Variants in DNAH14 observed in about 807,000 individuals in gnomAD.
DNAH14 encodes the protein dynein axonemal heavy chain 14.
A neutral mutation model predicts 520.9 loss-of-function variants in DNAH14; 478 were observed. That is an observed-to-expected ratio of 0.92 (90% CI 0.85 to 0.99). The LOEUF is 0.99. DNAH14 is among the 50% of genes least tolerant of loss of function. The pLI is 0.00. For missense variants in DNAH14, 4,831 were observed against 5,234.5 expected (o/e 0.92, Z 2.38); for synonymous variants, 1,581 against 1,757.2 (o/e 0.90, Z 2.51).
rs1553343142 is a variant in DNAH14 at position 224,967,422 on chromosome 1, T to TG, written c.499-9_499-8insG. The TG allele has an allele frequency of 6.6e-7, 1 of 1,515,498 alleles. No individual in the cohort carries two copies. The highest frequency in any genetic ancestry group is 1.4e-5 in the African/African-American group (1 of 70,154). The allele number at this position is 1,515,498 out of a possible 1,614,324, so 93.9% of individuals were successfully genotyped here. On this transcript the variant is annotated splice_polypyrimidine_tract_variant and intron_variant, in intron 5 of 85. Transcript: ENST00000682510. ...TTAAATTTGTTTATTATTTTTTTTTTAATCTCAGAAACCTTTGGAAGATGA... is the reference window on the plus strand; with the variant it reads ...TTAAATTTGTTTATTATTTTTTTTTTGAATCTCAGAAACCTTTGGAAGATGA...
At position 225,232,880 on chromosome 1, in the gene DNAH14, T is replaced by C. The variant is rs1235381344; in HGVS notation, c.6518+1729T>C. 6.6e-6 allele frequency among the ~76,000 whole-genome samples: 1 copy of C among 152,190 alleles called. No homozygotes were observed. The highest frequency in any genetic ancestry group is 1.5e-5 in the Non-Finnish European group (1 of 68,052). On this transcript the variant is annotated intron_variant, in intron 42 of 85. Coordinates refer to ENST00000682510, the MANE Select transcript of DNAH14 (RefSeq NM_001367479.1). This position sits in a 1 kb window ranked among gnomAD's most constrained non-coding sequence, Gnocchi z 4.2. ...TAGGTAAATGTGTGCCATGGTGGTT[T>C]GCTGCACAGATCATGCCATCACCTA...
At position 225,023,770 on chromosome 1, in the gene DNAH14, A is replaced by G; in HGVS notation, c.1263A>G (p.Gln421=). 1.3e-6 allele frequency: 2 copies of G among 1,550,896 alleles called. No homozygotes were observed. Among genetic ancestry groups the G allele is most frequent in the Non-Finnish European group, 8.7e-7 (1 of 1,146,538 alleles). The change falls in exon 11 of 86, where the codon CAA becomes CAG. Residue 421 remains glutamine (Q), a synonymous_variant. Transcript: ENST00000682510. The part of the protein sequence containing the change: ...VDYIFQELIR[Q]LMNTAVTLLL... ...ACATATTTCAGGAACTCATTCGTCA[A>G]CTTATGAACACTGCAGTCACACTAC... is the stretch of plus-strand genomic sequence containing the variant.
At chr1:225,334,880 A>ATGTGTG (rs71574528) in intron 66 of DNAH14, among the ~76,000 whole-genome samples, 81 of 122,382 alleles carry the variant, frequency 6.6e-4, no homozygotes, top group East Asian at 7.1e-4. Flanking sequence ...CTCTCTACAT[A>ATGTGTG]TATATGTGTG....
At position 225,353,802 on chromosome 1, in the gene DNAH14, G is replaced by A. The variant is rs1193328352; in HGVS notation, c.11534-1G>A. The A allele has an allele frequency of 6.9e-7, 1 of 1,453,358 alleles. No individual in the cohort carries two copies. The highest frequency in any genetic ancestry group is 1.3e-5 in the South Asian group (1 of 78,318). The allele number at this position is 1,453,358 out of a possible 1,614,324, so 90.0% of individuals were successfully genotyped here. Reference sequence around the variant, plus strand: ...AGTTTCTTTCTCTAAATTATATCTAGCTGAACTTTTGAATGAAAATAAAGA... The same window carrying A: ...AGTTTCTTTCTCTAAATTATATCTAACTGAACTTTTGAATGAAAATAAAGA... On this transcript the variant is annotated splice_acceptor_variant, in intron 72 of 85. Coordinates refer to ENST00000682510, the MANE Select transcript of DNAH14 (RefSeq NM_001367479.1). LOFTEE classifies it high-confidence loss of function.
chr1:225,014,480 G>T (rs570009629), intron 10 of DNAH14, among the ~76,000 whole-genome samples: 1 of 151,506 alleles, frequency 6.6e-6, no homozygotes, highest in African/African-American at 2.4e-5. Flanking sequence ...TGCTTTTGCC[G>T]TGTCCTATAG....
chr1:225,322,085 CTTTTTTTTTTTT>C (rs3047035), intron 61 of DNAH14, among the ~76,000 whole-genome samples: 5 of 90,170 alleles, frequency 5.5e-5, no homozygotes, highest in African/African-American at 1.7e-4. Context: ...TTTTTTCTTT[CTTTTTTTTTTTT>C]TTTTTTTTTT....
chr1:225,006,693 C>A (rs914728946), intron 9 of DNAH14, among the ~76,000 whole-genome samples: 1 of 152,194 alleles, frequency 6.6e-6, no homozygotes, highest in South Asian at 2.1e-4. Flanking sequence ...GATGACAATG[C>A]ATGCCCAGTG....
At chr1:225,142,745 T>G (rs1449711613) in intron 28 of DNAH14, among the ~76,000 whole-genome samples, 1 of 152,084 alleles carries the variant, frequency 6.6e-6, no homozygotes. Flanking sequence ...CTGGCCAACA[T>G]GGTGAAAACC....
intron 52 of DNAH14, among the ~76,000 whole-genome samples, chr1:225,274,196 T>TTTTTTTTTG (rs2093397280): frequency 7.7e-6 from 1 of 130,608 alleles, no homozygotes; most frequent in African/African-American, 3.3e-5. Context: ...CAGCATCTGT[T>TTTTTTTTTG]ATTTTTTTTT....
chr1:225,047,274 C>CT (rs777988447), intron 15 of DNAH14, among the ~76,000 whole-genome samples: 70 of 152,100 alleles, frequency 4.6e-4, no homozygotes, highest in Non-Finnish European at 7.2e-4. Flanking sequence ...TTATATCTAA[C>CT]TTTTTTCTCT....
At chr1:225,072,835 A>T (rs1313376360) in intron 17 of DNAH14, among the ~76,000 whole-genome samples, 3 of 152,108 alleles carry the variant, frequency 2.0e-5, no homozygotes, top group Non-Finnish European at 4.4e-5. Flanking sequence ...TCGTCAGTGA[A>T]GTCTGTGAAG....
At chr1:225,148,436 C>T (rs1441180536) in intron 31 of DNAH14, among the ~76,000 whole-genome samples, 1 of 122,424 alleles carries the variant, frequency 8.2e-6, no homozygotes, top group African/African-American at 3.2e-5. Context: ...GAGTCTCACT[C>T]TGTTGCCCAG....
intron 12 of DNAH14, among the ~76,000 whole-genome samples, chr1:225,040,425 T>C (rs2067373915): frequency 6.6e-6 from 1 of 152,352 alleles, no homozygotes; most frequent in South Asian, 2.1e-4. Flanking sequence ...CTTTCGTATA[T>C]GTATATTTCT....
At position 225,300,165 on chromosome 1, in the gene DNAH14, G is replaced by C. The variant is rs577828183; in HGVS notation, c.8470-704G>C. Among the ~76,000 whole-genome samples, 144 of 152,144 alleles carry C rather than the reference G, an allele frequency of 9.5e-4. 1 individual carries two copies. Among genetic ancestry groups the C allele is most frequent in the African/African-American group, 3.4e-3 (140 of 41,494 alleles). On this transcript the variant is annotated intron_variant, in intron 55 of 85. Transcript: ENST00000682510. Reference sequence around the variant, plus strand: ...TCAGTTAAATTAAAATAATCCTTCAGCAATGTTATTTCTAGTTTGTCTACT... The same window carrying C: ...TCAGTTAAATTAAAATAATCCTTCACCAATGTTATTTCTAGTTTGTCTACT...
intron 41 of DNAH14, among the ~76,000 whole-genome samples, chr1:225,220,578 A>C (rs1170134080): frequency 6.6e-6 from 1 of 152,216 alleles, no homozygotes; most frequent in Non-Finnish European, 1.5e-5. Context: ...TAAAATACCT[A>C]GGAATACAAC....
intron 17 of DNAH14, among the ~76,000 whole-genome samples, chr1:225,065,175 G>T (rs1211794242): frequency 6.6e-6 from 1 of 151,788 alleles, no homozygotes; most frequent in African/African-American, 2.4e-5. Flanking sequence ...TGTCCTGAAT[G>T]GTATTGCCTA....
chr1:225,008,423 C>A (rs1361665826), intron 10 of DNAH14, among the ~76,000 whole-genome samples: 1 of 152,010 alleles, frequency 6.6e-6, no homozygotes, highest in Non-Finnish European at 1.5e-5. Context: ...GATTTATAAT[C>A]CTTTGGGTAT....
In DNAH14 at chr1:225,192,911, T is replaced by A. The variant is rs867030072; in HGVS notation, c.5886T>A (p.Asn1962Lys). Residue 1962 changes from asparagine to lysine, a missense_variant and splice_region_variant, in exon 38 of 86, where the codon AAT (asparagine) becomes AAA (lysine). Asn to Lys is a moderately conservative substitution (Grantham distance 94). Transcript: ENST00000682510. ...RLKSRISDLSNVFKLDSSDTT... is the reference protein window; with the variant it reads ...RLKSRISDLSKVFKLDSSDTT... ...AGTCAAGAATCTCAGATTTATCCAA[T>A]GTAAGTTTAGTATTGAATGAATGTT... 3.2e-6 allele frequency: 5 copies of A among 1,543,034 alleles called. No individual in the cohort carries two copies. Among genetic ancestry groups the A allele is most frequent in the Middle Eastern group, 1.9e-4 (1 of 5,164 alleles).
At chr1:225,143,943 A>G in intron 28 of DNAH14, among the ~76,000 whole-genome samples, 1 of 152,346 alleles carries the variant, frequency 6.6e-6, no homozygotes, top group South Asian at 2.1e-4. Context: ...CATGATATAA[A>G]TACAAATCAA....
Sources: gnomAD v4.1 joint callset for allele counts (sites outside exome capture counted in the v4.1 genomes callset) on GRCh38, gnomAD v4.1.1 for gene constraint, Gnocchi (gnomAD v3.1) non-coding constraint, MANE v1.5 for transcripts, NCBI Gene and HGNC (gene_info 2026-07-23, HGNC 2026-07-21) for gene names.